The following FAHD2A variants were observed in gnomAD, a reference collection of about 807,000 sequenced individuals.
FAHD2A encodes oxaloacetate tautomerase FAHD2A, mitochondrial.
FAHD2A carries 27 observed loss-of-function variants against 33.4 expected under a neutral mutation model. That is an observed-to-expected ratio of 0.81 (90% CI 0.60 to 1.11). The LOEUF is 1.11. Ranked by LOEUF, FAHD2A falls within the 50% of genes most tolerant of loss-of-function variation. The probability of loss-of-function intolerance (pLI) is 0.00; values close to 1 mark genes in which losing one functional copy is unlikely to be tolerated. For missense variants in FAHD2A, 296 were observed against 395.0 expected (o/e 0.75, Z 2.12); for synonymous variants, 130 against 153.3 (o/e 0.85, Z 1.12).
At position 95,415,293 on chromosome 2, in the gene FAHD2A, C is replaced by T. The variant is rs1683043629; in HGVS notation, c.*2336C>T. ...TGGAGGCCTTGGTCCAGCCACTGCC[C>T]CAGACCCACCTTGGCTCTCTCCTCA... is the stretch of plus-strand genomic sequence containing the variant. On this transcript the variant is annotated 3_prime_UTR_variant, in exon 8 of 8. Transcript: ENST00000233379. 1 of 152,020 alleles carries T rather than the reference C, an allele frequency of 6.6e-6. No homozygotes were observed. Among genetic ancestry groups the T allele is most frequent in the Non-Finnish European group, 1.5e-5 (1 of 68,014 alleles). 9.4% of individuals were successfully genotyped at this position (152,020 alleles called of 1,614,324 possible). A position where few individuals can be genotyped will look rare whatever the true frequency, so the allele number is the denominator to read the frequency against.
chr2:95,413,428 A>G lies in FAHD2A; in HGVS notation c.*471A>G. 6.2e-7 allele frequency: 1 copy of G among 1,604,506 alleles called. No individual in the cohort carries two copies. The highest frequency in any genetic ancestry group is 1.1e-5 in the South Asian group (1 of 89,546). ...CTGTGTTCTGGGGCTCAGAAGTCTC[A>G]GCACAGGCTCCTTCTCACAGTTCTA... On this transcript the variant is annotated 3_prime_UTR_variant, in exon 8 of 8. Transcript: ENST00000233379.
chr2:95,413,790 C>G lies in FAHD2A; in HGVS notation c.*833C>G. The G allele has an allele frequency of 2.8e-6, 2 of 706,124 alleles. No individual in the cohort carries two copies. The highest frequency in any genetic ancestry group is 4.9e-6 in the Non-Finnish European group (2 of 404,344). 43.7% of individuals were successfully genotyped at this position (706,124 alleles called of 1,614,324 possible). A position where few individuals can be genotyped will look rare whatever the true frequency, so the allele number is the denominator to read the frequency against. On this transcript the variant is annotated 3_prime_UTR_variant, in exon 8 of 8. Coordinates refer to ENST00000233379, the MANE Select transcript of FAHD2A (RefSeq NM_016044.3). ...AGGCAGGAAACCATCCCACCTTCTC[C>G]AACCCATCACCACGTCTATTGCTGG...
rs1176840906 is a variant in FAHD2A at position 95,412,451 on chromosome 2, A to G, written c.703A>G (p.Ile235Val). 1 of 1,613,866 alleles carries G rather than the reference A, an allele frequency of 6.2e-7. No individual in the cohort carries two copies. Among genetic ancestry groups the G allele is most frequent in the South Asian group, 1.1e-5 (1 of 91,064 alleles). ...CATTTCAGATCCACACAACTTAAAG[A>G]TCTGCTGCCGAGTGAATGGGGAAGT... ...DSVADPHNLKICCRVNGEVVQ... is the reference protein window; with the variant it reads ...DSVADPHNLKVCCRVNGEVVQ... The change falls in exon 6 of 8, where the codon ATC (isoleucine) becomes GTC (valine). Residue 235 changes from isoleucine (I) to valine (V), a missense_variant. Ile to Val is a conservative substitution (Grantham distance 29, BLOSUM62 3). Coordinates refer to ENST00000233379, the MANE Select transcript of FAHD2A (RefSeq NM_016044.3).
In FAHD2A at chr2:95,412,746, ACCT is replaced by A. The variant is rs759666313; in HGVS notation, c.868_870del (p.Pro290del). 9 of 1,612,728 alleles carry A rather than the reference ACCT, an allele frequency of 5.6e-6. No homozygotes were observed. Among genetic ancestry groups the A allele is most frequent in the African/African-American group, 1.3e-5 (1 of 74,464 alleles). ...CCCCAGGTGTCGGTGTATTCAGGAAACCTCCTGTCTTTCTCAAGGTAGGTTAGC... is the reference window on the plus strand; with the variant it reads ...CCCCAGGTGTCGGTGTATTCAGGAAACCTGTCTTTCTCAAGGTAGGTTAGC... On this transcript the variant is annotated inframe_deletion, in exon 7 of 8. Transcript: ENST00000233379.
At chr2:95,404,894 G>T (rs1681278244) in intron 1 of FAHD2A, among the ~76,000 whole-genome samples, 1 of 152,266 alleles carries the variant, frequency 6.6e-6, no homozygotes, top group Non-Finnish European at 1.5e-5. Context: ...TGGAGAGGCA[G>T]GTGGGGGCGC....
At chr2:95,404,162 A>G (rs1237160987) in intron 1 of FAHD2A, among the ~76,000 whole-genome samples, 1 of 152,230 alleles carries the variant, frequency 6.6e-6, no homozygotes, top group Non-Finnish European at 1.5e-5. Context: ...TTGTTGTAAG[A>G]GCAAGGAACC....
In FAHD2A at chr2:95,411,013, G is replaced by A; in HGVS notation, c.672G>A (p.Lys224=). 1.2e-6 allele frequency: 2 copies of A among 1,613,982 alleles called. No individual in the cohort carries two copies. The highest frequency in any genetic ancestry group is 1.7e-6 in the Non-Finnish European group (2 of 1,179,868). The change falls in exon 5 of 8, where the codon AAG becomes AAA. Residue 224 remains lysine, a synonymous_variant. Transcript: ENST00000233379. Reference sequence around the variant, plus strand: ...CTCTGGGCCCTGCCTTGGTGACCAAGGACAGTGTAGCAGGTAGGTCCCTGG... The same window carrying A: ...CTCTGGGCCCTGCCTTGGTGACCAAAGACAGTGTAGCAGGTAGGTCCCTGG... ...FCPLGPALVT[K]DSVADPHNLK...
downstream of FAHD2A, among the ~76,000 whole-genome samples, chr2:95,419,195 T>G (rs1008240580): frequency 6.6e-6 from 1 of 152,082 alleles, no homozygotes; most frequent in East Asian, 1.9e-4. Context: ...CAACCCAATT[T>G]GTGGGACTTA....
intron 3 of FAHD2A, among the ~76,000 whole-genome samples, chr2:95,409,745 C>A (rs1458546458): frequency 2.0e-5 from 3 of 152,186 alleles, no homozygotes; most frequent in Non-Finnish European, 4.4e-5. Context: ...GTTTGTAATT[C>A]ATCATTTACA....
chr2:95,418,165 G>C (rs1683260475), downstream of FAHD2A, among the ~76,000 whole-genome samples: 1 of 152,024 alleles, frequency 6.6e-6, no homozygotes, highest in South Asian at 2.1e-4. Flanking sequence ...AGTACCTGTA[G>C]AAGTCTCTGA....
At position 95,415,972 on chromosome 2, in the gene FAHD2A, G is replaced by A. The variant is rs1017670762; in HGVS notation, c.*3015G>A. On this transcript the variant is annotated 3_prime_UTR_variant, in exon 8 of 8. Transcript: ENST00000233379. ...CTGTTCAGCAGGTGCCTGACACATA[G>A]TAGGTCCACAAGCAAATGATTTTCC... 5 of 152,226 alleles carry A rather than the reference G, an allele frequency of 3.3e-5. No homozygotes were observed. Among genetic ancestry groups the A allele is most frequent in the African/African-American group, 9.6e-5 (4 of 41,456 alleles). 9.4% of individuals were successfully genotyped at this position (152,226 alleles called of 1,614,324 possible).
intron 5 of FAHD2A, 48 bp from the exon 6 acceptor site, chr2:95,412,386 T>C: frequency 1.2e-6 from 2 of 1,607,928 alleles, no homozygotes; most frequent in Non-Finnish European, 1.7e-6. Context: ...TATTGGGGGG[T>C]TTGAGGGGGA....
chr2:95,408,619 A>G (rs779499314), intron 3 of FAHD2A, among the ~76,000 whole-genome samples: 1 of 152,132 alleles, frequency 6.6e-6, no homozygotes, highest in Non-Finnish European at 1.5e-5. Flanking sequence ...ATCAGATCTC[A>G]TGAGACCCAT....
At position 95,414,396 on chromosome 2, in the gene FAHD2A, G is replaced by A; in HGVS notation, c.*1439G>A. On this transcript the variant is annotated 3_prime_UTR_variant, in exon 8 of 8. Transcript: ENST00000233379. ...AGCTGGGAAAACAGAGGATGTGGTG[G>A]GATGGGGAAGGAAAGGTTGTGGAAG... The A allele has an allele frequency of 3.2e-6, 2 of 629,032 alleles. No individual in the cohort carries two copies. The highest frequency in any genetic ancestry group is 2.4e-5 in the Admixed American group (1 of 41,040). The allele number at this position is 629,032 out of a possible 1,614,324, so 39.0% of individuals were successfully genotyped here. A position where few individuals can be genotyped will look rare whatever the true frequency, so the allele number is the denominator to read the frequency against.
In FAHD2A at chr2:95,412,992, G is replaced by A; in HGVS notation, c.*35G>A. ...CACAGGCCCTGCACATAGGATGAGG[G>A]CATCTGCTCCCACTCAGCCTAGCCC... On this transcript the variant is annotated 3_prime_UTR_variant, in exon 8 of 8. Coordinates refer to ENST00000233379, the MANE Select transcript of FAHD2A (RefSeq NM_016044.3). 6.2e-7 allele frequency: 1 copy of A among 1,611,002 alleles called. No homozygotes were observed. Among genetic ancestry groups the A allele is most frequent in the Non-Finnish European group, 8.5e-7 (1 of 1,178,312 alleles).
chr2:95,409,124 A>T (rs1682077494), intron 3 of FAHD2A, among the ~76,000 whole-genome samples: 1 of 152,228 alleles, frequency 6.6e-6, no homozygotes, highest in South Asian at 2.1e-4. Flanking sequence ...GTGGTCCCAG[A>T]ATTTGACCAC....
downstream of FAHD2A, among the ~76,000 whole-genome samples, chr2:95,417,891 C>G (rs927571554): frequency 6.6e-6 from 1 of 152,126 alleles, no homozygotes; most frequent in Non-Finnish European, 1.5e-5. Context: ...TACCACCCCA[C>G]TGGTAGTTAG....
intron 2 of FAHD2A, 113 bp from the exon 3 acceptor site, chr2:95,406,828 A>G: frequency 6.9e-7 from 1 of 1,459,316 alleles, no homozygotes; most frequent in Non-Finnish European, 9.1e-7. Flanking sequence ...TGATAGAGCT[A>G]GGAAATAGAT....
chr2:95,418,587 G>A (rs982430159), downstream of FAHD2A, among the ~76,000 whole-genome samples: 1 of 152,068 alleles, frequency 6.6e-6, no homozygotes, highest in East Asian at 1.9e-4. Context: ...ACAGTAACCG[G>A]GATGTGAGGT....
Sources: allele counts gnomAD v4.1 joint callset (sites outside exome capture counted in the v4.1 genomes callset), GRCh38; gene constraint gnomAD v4.1.1; transcripts MANE v1.5; gene names NCBI Gene and HGNC (gene_info 2026-07-23, HGNC 2026-07-21).